Variants in CDK19 observed in about 807,000 individuals in gnomAD.
CDK19 encodes cyclin dependent kinase 19, also known as cyclin-dependent kinase 19.
Under a neutral mutation model 68.3 loss-of-function variants are expected in CDK19, and 20 were observed. That is an observed-to-expected ratio of 0.29 (90% CI 0.21 to 0.43). The LOEUF is 0.43. Among genes scored for constraint, CDK19 ranks in the 20% least tolerant of loss-of-function variants. The pLI, the probability that CDK19 is intolerant of heterozygous loss-of-function variation, is 1.00. For missense variants in CDK19, 339 were observed against 623.5 expected, an observed-to-expected ratio of 0.54 and a Z score of 4.86; for synonymous variants, 221 against 222.8, an observed-to-expected ratio of 0.99 and a Z score of 0.07.
At chr6:110,796,349 C>T (rs139063014) in intron 1 of CDK19, among the ~76,000 whole-genome samples, 3 of 151,542 alleles carry the variant, frequency 2.0e-5, no homozygotes, top group Admixed American at 6.6e-5. Flanking sequence ...AACAAACAAA[C>T]AAATAAATAA....
Position 110,621,027 on chromosome 6 carries a change from C to T in CDK19, c.1377+77G>A. The T allele has an allele frequency of 7.2e-7, 1 of 1,397,868 alleles. No homozygotes were observed. The allele number at this position is 1,397,868 out of a possible 1,614,324, so 86.6% of individuals were successfully genotyped here. A position where few individuals can be genotyped will look rare whatever the true frequency, so the allele number is the denominator to read the frequency against. On this transcript the variant is annotated intron_variant, in intron 12 of 12. Coordinates refer to ENST00000368911, the MANE Select transcript of CDK19 (RefSeq NM_015076.5). This position sits in a 1 kb window ranked among gnomAD's most constrained non-coding sequence, Gnocchi z 5.4. Reference sequence around the variant, plus strand: ...AGTCAAATGTAAGAGTTAAGTGTTACTTAACTCTAAAAGGATCTAGGATAA... The same window carrying T: ...AGTCAAATGTAAGAGTTAAGTGTTATTTAACTCTAAAAGGATCTAGGATAA...
At chr6:110,814,481 G>A (rs1476596518) in intron 1 of CDK19, 1 of 389,844 alleles carries the variant, frequency 2.6e-6, no homozygotes, top group Non-Finnish European at 5.0e-6. Flanking sequence ...CGCTGCTGGG[G>A]GCGGCGGTGC....
chr6:110,801,509 T>A (rs564874493), intron 1 of CDK19, among the ~76,000 whole-genome samples: 1 of 151,262 alleles, frequency 6.6e-6, no homozygotes, highest in South Asian at 2.1e-4. Context: ...AATTACAGGT[T>A]TTTTTGTGTG....
intron 5 of CDK19, among the ~76,000 whole-genome samples, chr6:110,634,808 T>C (rs1183597184): frequency 2.6e-5 from 4 of 152,226 alleles, no homozygotes; most frequent in Non-Finnish European, 4.4e-5. Flanking sequence ...GTTTCATCCA[T>C]TGAAAAACAT....
rs757607893 is a variant in CDK19 at position 110,627,102 on chromosome 6, C to T, written c.690G>A (p.Ser230=). ...IGCIFAELLT[S]EPIFHCRQED... ...CCTGACGACAGTGAAAAATAGGTTCCGAAGTCAACAATTCAGCAAATATAC... is the reference window on the plus strand; with the variant it reads ...CCTGACGACAGTGAAAAATAGGTTCTGAAGTCAACAATTCAGCAAATATAC... Residue 230 remains serine (S), a synonymous_variant, in exon 7 of 13, where the codon TCG becomes TCA. Transcript: ENST00000368911. 32 of 1,612,078 alleles carry T rather than the reference C, an allele frequency of 2.0e-5. No individual in the cohort carries two copies. Among genetic ancestry groups the T allele is most frequent in the East Asian group, 1.1e-4 (5 of 44,746 alleles).
At chr6:110,811,906 G>C (rs1224894261) in intron 1 of CDK19, among the ~76,000 whole-genome samples, 3 of 149,414 alleles carry the variant, frequency 2.0e-5, no homozygotes. Context: ...TAAAGTAAAA[G>C]AGAGTTGGAG....
intron 2 of CDK19, among the ~76,000 whole-genome samples, chr6:110,702,646 A>G (rs1039021294): frequency 6.6e-6 from 1 of 152,166 alleles, no homozygotes; most frequent in African/African-American, 2.4e-5. Context: ...ATAAATTTAA[A>G]AAATGACCTT....
intron 1 of CDK19, among the ~76,000 whole-genome samples, chr6:110,795,395 G>C (rs770531087): frequency 1.3e-5 from 2 of 152,206 alleles, no homozygotes; most frequent in African/African-American, 4.8e-5. Context: ...TAAGAGAGAT[G>C]TAAATTGTAA....
chr6:110,744,312 A>C (rs1050637304), intron 2 of CDK19, among the ~76,000 whole-genome samples: 1 of 151,964 alleles, frequency 6.6e-6, no homozygotes, highest in Non-Finnish European at 1.5e-5. Flanking sequence ...CCCAGCCACA[A>C]ATACCACTTT....
chr6:110,623,442 C>A (rs1778840321), intron 8 of CDK19, 80 bp from the exon 9 acceptor site: 2 of 1,560,192 alleles, frequency 1.3e-6, no homozygotes, highest in Admixed American at 1.8e-5. Flanking sequence ...CCAGGATTGG[C>A]TTTCCTATAA....
intron 6 of CDK19, among the ~76,000 whole-genome samples, chr6:110,628,460 G>A (rs545336711): frequency 6.6e-6 from 1 of 152,326 alleles, no homozygotes; most frequent in South Asian, 2.1e-4. Context: ...ATTCTGAGCA[G>A]TGTGATGAAA....
chr6:110,744,109 C>G (rs144553469), intron 2 of CDK19, among the ~76,000 whole-genome samples: 1,955 of 144,636 alleles, frequency 0.014, 56 homozygotes, highest in African/African-American at 0.048. Flanking sequence ...TAGGTTCAAG[C>G]AATTCTCCTG....
chr6:110,795,395 G>A (rs770531087), intron 1 of CDK19, among the ~76,000 whole-genome samples: 3 of 152,206 alleles, frequency 2.0e-5, no homozygotes, highest in East Asian at 1.9e-4. Flanking sequence ...TAAGAGAGAT[G>A]TAAATTGTAA....
At chr6:110,616,679 A>C (rs552938711) in intron 12 of CDK19, among the ~76,000 whole-genome samples, 2 of 152,110 alleles carry the variant, frequency 1.3e-5, no homozygotes, top group South Asian at 2.1e-4. Flanking sequence ...AAAAAAAAAA[A>C]AACAAAACAA....
At chr6:110,752,988 G>A (rs1048203048) in intron 1 of CDK19, among the ~76,000 whole-genome samples, 3 of 152,090 alleles carry the variant, frequency 2.0e-5, no homozygotes, top group Non-Finnish European at 2.9e-5. Context: ...GGAAGGCAGT[G>A]GTACGACCTC....
At chr6:110,646,128 G>C in intron 4 of CDK19, 1 of 909,350 alleles carries the variant, frequency 1.1e-6, no homozygotes, top group East Asian at 2.6e-5. Flanking sequence ...TCTCATCTCT[G>C]ATGCTAACAC....
At chr6:110,703,397 G>A (rs1026226824) in intron 2 of CDK19, among the ~76,000 whole-genome samples, 2 of 151,836 alleles carry the variant, frequency 1.3e-5, no homozygotes, top group African/African-American at 4.8e-5. Context: ...ATGTTAAATG[G>A]AGTTTTTATA....
chr6:110,695,750 A>G (rs1363416541), intron 2 of CDK19, among the ~76,000 whole-genome samples: 1 of 152,148 alleles, frequency 6.6e-6, no homozygotes. Flanking sequence ...CCTAGAGGAT[A>G]TGGGTAAATT....
At chr6:110,769,892 T>C (rs992893697) in intron 1 of CDK19, among the ~76,000 whole-genome samples, 1 of 152,090 alleles carries the variant, frequency 6.6e-6, no homozygotes, top group Non-Finnish European at 1.5e-5. Context: ...GTGATGAAAA[T>C]GGCCAACTAG....
Sources: gnomAD v4.1 joint callset for allele counts (sites outside exome capture counted in the v4.1 genomes callset) on GRCh38, gnomAD v4.1.1 for gene constraint, Gnocchi (gnomAD v3.1) non-coding constraint, MANE v1.5 for transcripts, NCBI Gene and HGNC (gene_info 2026-07-23, HGNC 2026-07-21) for gene names.